Variants in PALLD observed in about 807,000 individuals in gnomAD.
PALLD encodes the protein palladin.
PALLD carries 61 observed loss-of-function variants against 123.5 expected under a neutral mutation model. The observed-to-expected ratio is 0.49, with a 90% confidence interval of 0.40 to 0.61. The LOEUF is 0.61. Ranked by LOEUF, PALLD falls within the 20% of genes least tolerant of loss-of-function variation. The pLI is 0.00. For synonymous variants in PALLD, 465 were observed against 496.4 expected (o/e 0.94, Z 0.84); for missense variants, 1,273 against 1,377.0 (o/e 0.92, Z 1.20).
At chr4:168,746,390 A>AATAAAAAAAT (rs1730317945) in intron 10 of PALLD, among the ~76,000 whole-genome samples, 1 of 135,048 alleles carries the variant, frequency 7.4e-6, no homozygotes, top group Non-Finnish European at 1.5e-5. Flanking sequence ...CAAAAAAAAA[A>AATAAAAAAAT]AAAAAAAAAA....
At chr4:168,632,884 A>G (rs1184826315) in intron 2 of PALLD, among the ~76,000 whole-genome samples, 1 of 152,228 alleles carries the variant, frequency 6.6e-6, no homozygotes, top group Non-Finnish European at 1.5e-5. Flanking sequence ...CACCCCCAGA[A>G]TGCTGAAGTC....
chr4:168,759,189 AAAAAAAAAAAAAAATATATATAT>A (rs1258687597), intron 10 of PALLD, among the ~76,000 whole-genome samples: 9 of 24,660 alleles, frequency 3.6e-4, no homozygotes, highest in South Asian at 2.7e-3. Flanking sequence ...CAAAAAAAAA[AAAAAAAAAAAAAAATATATATAT>A]ATATATATAT....
chr4:168,547,502 C>A (rs1766253572), intron 2 of PALLD, among the ~76,000 whole-genome samples: 1 of 148,924 alleles, frequency 6.7e-6, no homozygotes, highest in African/African-American at 2.5e-5. Flanking sequence ...AGGCAGATTG[C>A]CTGAGCTCAG....
chr4:168,907,161 G>A (rs561867912), intron 15 of PALLD, among the ~76,000 whole-genome samples: 1 of 152,006 alleles, frequency 6.6e-6, no homozygotes, highest in Non-Finnish European at 1.5e-5. Flanking sequence ...AATAGTACAT[G>A]TAAAAAGCAT....
At chr4:168,679,413 G>A (rs866090490) in intron 3 of PALLD, among the ~76,000 whole-genome samples, 5 of 131,582 alleles carry the variant, frequency 3.8e-5, no homozygotes, top group Non-Finnish European at 4.9e-5. Context: ...GGGTGTGTGC[G>A]TGTGGTAGGG....
At chr4:168,742,725 G>T (rs1581234730) in intron 10 of PALLD, among the ~76,000 whole-genome samples, 1 of 152,016 alleles carries the variant, frequency 6.6e-6, no homozygotes, top group Non-Finnish European at 1.5e-5. Context: ...TGAAATGATG[G>T]GTGTATTTGC....
intron 10 of PALLD, among the ~76,000 whole-genome samples, chr4:168,734,664 G>A (rs1474112294): frequency 6.6e-6 from 1 of 152,102 alleles, no homozygotes; most frequent in Admixed American, 6.5e-5. Context: ...CACCCTCAAG[G>A]AGTACAATAT....
chr4:168,695,793 G>A (rs1783075740), intron 8 of PALLD, among the ~76,000 whole-genome samples: 1 of 151,912 alleles, frequency 6.6e-6, no homozygotes, highest in South Asian at 2.1e-4. Context: ...AAATTGTTTA[G>A]GCATAAACAC....
At chr4:168,500,109 T>C (rs1314796227) in intron 1 of PALLD, among the ~76,000 whole-genome samples, 2 of 152,106 alleles carry the variant, frequency 1.3e-5, no homozygotes, top group Non-Finnish European at 2.9e-5. Context: ...AACAATAAAA[T>C]AGAAAAATAA....
chr4:168,866,120 C>T (rs961469196), intron 10 of PALLD, among the ~76,000 whole-genome samples: 1 of 151,358 alleles, frequency 6.6e-6, no homozygotes, highest in African/African-American at 2.4e-5. Flanking sequence ...AAAAATTCCA[C>T]TGGGTGTGGT....
intron 10 of PALLD, among the ~76,000 whole-genome samples, chr4:168,747,190 A>C (rs558974787): frequency 2.6e-5 from 4 of 152,350 alleles, no homozygotes; most frequent in East Asian, 3.9e-4. Context: ...GGTTTCTCAT[A>C]CTGTGTTGGT....
chr4:168,611,980 C>T (rs1773771722), intron 2 of PALLD, among the ~76,000 whole-genome samples: 3 of 151,952 alleles, frequency 2.0e-5, no homozygotes. Flanking sequence ...GGCAACATGG[C>T]AAAACCCCAT....
At chr4:168,560,205 T>C (rs1206587893) in intron 2 of PALLD, among the ~76,000 whole-genome samples, 1 of 152,182 alleles carries the variant, frequency 6.6e-6, no homozygotes, top group Non-Finnish European at 1.5e-5. Context: ...TGTTGTTCAA[T>C]AAAATAGTTC....
At chr4:168,786,286 C>T (rs1232767320) in intron 10 of PALLD, among the ~76,000 whole-genome samples, 1 of 152,070 alleles carries the variant, frequency 6.6e-6, no homozygotes, top group African/African-American at 2.4e-5. Flanking sequence ...CGAGATCGCA[C>T]CACTGCACTC....
At chr4:168,885,047 C>CA (rs887780635) in intron 10 of PALLD, among the ~76,000 whole-genome samples, 2 of 152,114 alleles carry the variant, frequency 1.3e-5, no homozygotes, top group African/African-American at 2.4e-5. Context: ...AACAAACAAA[C>CA]AAAAAAACAG....
chr4:168,719,563 A>C (rs1469322095), intron 10 of PALLD, among the ~76,000 whole-genome samples: 1 of 152,124 alleles, frequency 6.6e-6, no homozygotes, highest in African/African-American at 2.4e-5. Context: ...CCCAGCCAAA[A>C]GTATTATTTA....
chr4:168,509,933 T>C (rs1762378083), intron 1 of PALLD, among the ~76,000 whole-genome samples: 2 of 152,166 alleles, frequency 1.3e-5, no homozygotes, highest in Non-Finnish European at 2.9e-5. Context: ...TCTTGCATAA[T>C]GTATTTTGAA....
intron 10 of PALLD, among the ~76,000 whole-genome samples, chr4:168,755,105 C>T (rs544876302): frequency 5.0e-4 from 76 of 151,938 alleles, no homozygotes; most frequent in African/African-American, 8.4e-4. Flanking sequence ...TGGTGGCGGG[C>T]GCCTGTAGTC....
chr4:168,544,156 T>C (rs776885460), intron 2 of PALLD, among the ~76,000 whole-genome samples: 12 of 152,262 alleles, frequency 7.9e-5, no homozygotes, highest in Non-Finnish European at 1.6e-4. Flanking sequence ...AATTAGAAAC[T>C]ACATGTTCTG....
Sources: gnomAD v4.1 joint callset for allele counts (sites outside exome capture counted in the v4.1 genomes callset) on GRCh38, gnomAD v4.1.1 for gene constraint, MANE v1.5 for transcripts, NCBI Gene and HGNC (gene_info 2026-07-23, HGNC 2026-07-21) for gene names.